Variants in ANKS1B observed in about 807,000 individuals in gnomAD.
ANKS1B encodes ankyrin repeat and sterile alpha motif domain containing 1B, also known as ankyrin repeat and sterile alpha motif domain-containing protein 1B.
Under a neutral mutation model 148.3 loss-of-function variants are expected in ANKS1B, and 36 were observed. The observed-to-expected ratio is 0.24, with a 90% CI of 0.19 to 0.32. The LOEUF (loss-of-function observed/expected upper bound fraction) is 0.32, where lower values mean the gene tolerates loss of function less well. ANKS1B is among the 10% of genes least tolerant of loss of function. ANKS1B has a pLI of 1.00. For missense variants in ANKS1B, 1,157 were observed against 1,542.6 expected (o/e 0.75, Z 4.19); for synonymous variants, 542 against 560.8 (o/e 0.97, Z 0.47).
intron 12 of ANKS1B, among the ~76,000 whole-genome samples, chr12:99,274,431 C>T (rs1314478477): frequency 1.3e-5 from 2 of 152,194 alleles, no homozygotes; most frequent in Non-Finnish European, 2.9e-5. Flanking sequence ...GATACTTTTA[C>T]TATTTTCCAT....
At chr12:99,773,859 TTAC>T (rs1283101293) in intron 7 of ANKS1B, among the ~76,000 whole-genome samples, 1 of 152,128 alleles carries the variant, frequency 6.6e-6, no homozygotes, top group Non-Finnish European at 1.5e-5. Flanking sequence ...ACTGTTTTGA[TTAC>T]TGTAGCTCTT....
intron 8 of ANKS1B, among the ~76,000 whole-genome samples, chr12:99,742,447 A>G (rs926303225): frequency 6.6e-6 from 1 of 152,116 alleles, no homozygotes; most frequent in African/African-American, 2.4e-5. Flanking sequence ...CATAACAAAG[A>G]CTGGTATGGA....
intron 12 of ANKS1B, among the ~76,000 whole-genome samples, chr12:99,260,071 G>A (rs1170737549): frequency 6.6e-6 from 1 of 152,188 alleles, no homozygotes; most frequent in Non-Finnish European, 1.5e-5. Context: ...TGGGGGAAGA[G>A]AGGAAATAGC....
At chr12:99,399,094 C>G (rs566927370) in intron 12 of ANKS1B, among the ~76,000 whole-genome samples, 1 of 152,196 alleles carries the variant, frequency 6.6e-6, no homozygotes, top group African/African-American at 2.4e-5. Context: ...GAAAGCTTTG[C>G]AAATCTGACT....
intron 12 of ANKS1B, among the ~76,000 whole-genome samples, chr12:99,249,117 G>A (rs2074244611): frequency 1.3e-5 from 2 of 152,120 alleles, no homozygotes; most frequent in Admixed American, 6.6e-5. Context: ...TGGGGATTAA[G>A]GTGGTAGGAA....
intron 12 of ANKS1B, among the ~76,000 whole-genome samples, chr12:99,353,667 G>A (rs1357146502): frequency 4.6e-5 from 7 of 151,928 alleles, no homozygotes. Context: ...GCTCCATTAT[G>A]CCAGGACCTT....
At chr12:99,198,416 A>C (rs184484342) in intron 14 of ANKS1B, among the ~76,000 whole-genome samples, 1 of 152,318 alleles carries the variant, frequency 6.6e-6, no homozygotes, top group East Asian at 1.9e-4. Flanking sequence ...TAAAAAGAGA[A>C]CATGAATATA....
intron 24 of ANKS1B, 116 bp downstream of exon 24, chr12:98,781,000 TG>T (rs1566416070): frequency 1.6e-6 from 1 of 636,732 alleles, no homozygotes; most frequent in Non-Finnish European, 2.7e-6. Flanking sequence ...GCATGAAGGT[TG>T]GGGGAAAGGG....
intron 10 of ANKS1B, among the ~76,000 whole-genome samples, chr12:99,468,601 C>G (rs1222159315): frequency 6.6e-6 from 1 of 152,066 alleles, no homozygotes; most frequent in Non-Finnish European, 1.5e-5. Context: ...AAGAACAAAA[C>G]AAACAACCCC....
chr12:99,752,234 C>T (rs894450644), intron 8 of ANKS1B, among the ~76,000 whole-genome samples: 3 of 151,938 alleles, frequency 2.0e-5, no homozygotes, highest in African/African-American at 7.2e-5. Context: ...TATAAGAGAG[C>T]TACTATCTGT....
At chr12:99,075,826 C>T (rs60598676) in intron 16 of ANKS1B, among the ~76,000 whole-genome samples, 10,956 of 99,890 alleles carry the variant, frequency 0.11, 983 homozygotes, top group African/African-American at 0.24. Context: ...AATGTATTAT[C>T]GTATATATAA....
chr12:99,326,292 CA>C (rs1194675030), intron 12 of ANKS1B, among the ~76,000 whole-genome samples: 1 of 151,838 alleles, frequency 6.6e-6, no homozygotes, highest in African/African-American at 2.4e-5. Flanking sequence ...TCTGGAGGGT[CA>C]AAAAATGACA....
chr12:98,779,094 A>G (rs2098709432), intron 24 of ANKS1B, among the ~76,000 whole-genome samples: 4 of 152,250 alleles, frequency 2.6e-5, no homozygotes, highest in Admixed American at 2.0e-4. Context: ...ACCACACTGC[A>G]AAGACTTGAA....
chr12:98,823,736 C>T (rs2099221306), intron 19 of ANKS1B, among the ~76,000 whole-genome samples: 1 of 152,270 alleles, frequency 6.6e-6, no homozygotes, highest in Non-Finnish European at 1.5e-5. Flanking sequence ...AAGTGCTCCG[C>T]CCGCTTTGGC....
chr12:99,479,426 A>G (rs904449053), intron 10 of ANKS1B, among the ~76,000 whole-genome samples: 1 of 152,056 alleles, frequency 6.6e-6, no homozygotes, highest in African/African-American at 2.4e-5. Context: ...CAACATTAAT[A>G]AAGCTTTCTT....
chr12:99,394,478 G>A (rs1203524551), intron 12 of ANKS1B, among the ~76,000 whole-genome samples: 1 of 152,012 alleles, frequency 6.6e-6, no homozygotes, highest in Non-Finnish European at 1.5e-5. Flanking sequence ...CACCACATGA[G>A]GCTCTATCAT....
At chr12:99,241,042 A>C (rs543141461) in intron 14 of ANKS1B, among the ~76,000 whole-genome samples, 104 of 152,326 alleles carry the variant, frequency 6.8e-4, no homozygotes, top group African/African-American at 2.5e-3. Flanking sequence ...AGAAATAATT[A>C]AGATCAGAGC....
rs78988917 is a variant in ANKS1B, at chr12:99,815,121, G to A, written c.216-2810C>T. 7.2e-5 allele frequency among the ~76,000 whole-genome samples: 11 copies of A among 151,740 alleles called. No homozygotes were observed. The East Asian group carries it at 1.9e-3, about 27-fold the overall frequency. On this transcript the variant is annotated intron_variant, in intron 2 of 26. Transcript: ENST00000683438. ...GGGTAAAGACGAAAAAAAGATTGAT[G>A]GGATCATCAATTCTATTTCCTTTTA... is the stretch of plus-strand genomic sequence containing the variant.
At chr12:98,755,767 A>T (rs1188866138) in intron 25 of ANKS1B, among the ~76,000 whole-genome samples, 1 of 152,076 alleles carries the variant, frequency 6.6e-6, no homozygotes, top group Non-Finnish European at 1.5e-5. Flanking sequence ...ACTTGACATG[A>T]CCCAATATCT....
Sources: gnomAD v4.1 joint callset for allele counts (sites outside exome capture counted in the v4.1 genomes callset) on GRCh38, gnomAD v4.1.1 for gene constraint, MANE v1.5 for transcripts, NCBI Gene and HGNC (gene_info 2026-07-23, HGNC 2026-07-21) for gene names.